The following UTRN variants were observed in gnomAD, a reference collection of about 807,000 sequenced individuals.
UTRN encodes the protein dystrophin-related protein 1.
A neutral mutation model predicts 463.9 loss-of-function variants in UTRN; 283 were observed. The ratio of observed to expected loss-of-function variants is 0.61; its 90% confidence interval spans 0.55 to 0.67. The LOEUF is 0.67. Among genes scored for constraint, UTRN ranks in the 30% least tolerant of loss-of-function variants. UTRN has a pLI of 0.00. For missense variants in UTRN, 3,922 were observed against 4,084.3 expected (o/e 0.96, Z 1.08); for synonymous variants, 1,442 against 1,431.5 (o/e 1.01, Z -0.17).
chr6:144,390,189 G>A (rs1350969047), intron 2 of UTRN, among the ~76,000 whole-genome samples: 1 of 152,016 alleles, frequency 6.6e-6, no homozygotes, highest in Admixed American at 6.5e-5. Flanking sequence ...AGAATAGAAC[G>A]GGAGACACGC....
At chr6:144,303,539 A>C (rs563372278) in intron 2 of UTRN, among the ~76,000 whole-genome samples, 8 of 152,220 alleles carry the variant, frequency 5.3e-5, no homozygotes, top group Non-Finnish European at 1.0e-4. Context: ...GAAGTTGACT[A>C]CTGCTGTTTT....
chr6:144,434,531 G>A (rs756781038), intron 9 of UTRN, among the ~76,000 whole-genome samples: 1 of 152,126 alleles, frequency 6.6e-6, no homozygotes, highest in Non-Finnish European at 1.5e-5. Context: ...TTGGAAGAAA[G>A]TAAAGGTTTT....
At chr6:144,618,235 T>G (rs1806346979) in intron 51 of UTRN, among the ~76,000 whole-genome samples, 1 of 152,210 alleles carries the variant, frequency 6.6e-6, no homozygotes, top group South Asian at 2.1e-4. Flanking sequence ...CTTTGGGATA[T>G]CCACTGGAGG....
At chr6:144,326,367 T>C (rs1775974668) in intron 2 of UTRN, among the ~76,000 whole-genome samples, 4 of 152,144 alleles carry the variant, frequency 2.6e-5, no homozygotes, top group African/African-American at 9.7e-5. Flanking sequence ...TTAGGCATAG[T>C]CATCCTAATA....
chr6:144,482,034 A>G (rs1391915816), intron 26 of UTRN, among the ~76,000 whole-genome samples, 175 bp from the exon 27 acceptor site: 1 of 152,174 alleles, frequency 6.6e-6, no homozygotes, highest in Admixed American at 6.5e-5. Context: ...CAAAAACAAA[A>G]ACAAAACCCC....
intron 51 of UTRN, among the ~76,000 whole-genome samples, chr6:144,651,231 T>C (rs1381050959): frequency 6.6e-6 from 1 of 152,054 alleles, no homozygotes; most frequent in East Asian, 1.9e-4. Flanking sequence ...AAAAAGTCAA[T>C]GCAGGCATTT....
chr6:144,651,966 C>A (rs1310396103), intron 51 of UTRN, among the ~76,000 whole-genome samples: 1 of 152,154 alleles, frequency 6.6e-6, no homozygotes, highest in Non-Finnish European at 1.5e-5. Context: ...CCCTCACCCC[C>A]CTCCCACACT....
At chr6:144,467,454 G>A (rs1477445132) in intron 23 of UTRN, among the ~76,000 whole-genome samples, 3 of 152,210 alleles carry the variant, frequency 2.0e-5, no homozygotes, top group Non-Finnish European at 4.4e-5. Context: ...TAGCAGATGT[G>A]AATGTAATTG....
intron 51 of UTRN, among the ~76,000 whole-genome samples, chr6:144,666,834 A>G (rs891839465): frequency 2.0e-5 from 3 of 152,196 alleles, no homozygotes; most frequent in Admixed American, 6.5e-5. Flanking sequence ...TGGTTGGGCC[A>G]GCTATGCAGT....
intron 41 of UTRN, among the ~76,000 whole-genome samples, chr6:144,529,165 G>A (rs978510601): frequency 2.0e-4 from 30 of 152,104 alleles, no homozygotes; most frequent in Non-Finnish European, 4.1e-4. Flanking sequence ...AACCCCTTCC[G>A]CCACCCCCAC....
intron 2 of UTRN, among the ~76,000 whole-genome samples, chr6:144,328,708 A>G (rs1355874902): frequency 6.6e-6 from 1 of 152,096 alleles, no homozygotes; most frequent in Non-Finnish European, 1.5e-5. Flanking sequence ...TGATCTGTTA[A>G]TAGATCAGGG....
intron 51 of UTRN, chr6:144,583,660 C>G: frequency 6.0e-6 from 3 of 497,340 alleles, no homozygotes. Context: ...GTTTCTCAGG[C>G]TCTAAAAACT....
At chr6:144,378,257 G>T (rs1031809172) in intron 2 of UTRN, among the ~76,000 whole-genome samples, 1 of 152,210 alleles carries the variant, frequency 6.6e-6, no homozygotes, top group African/African-American at 2.4e-5. Context: ...TAGAGGTCTA[G>T]ATTGAATACA....
intron 51 of UTRN, among the ~76,000 whole-genome samples, chr6:144,646,962 G>A (rs1778365793): frequency 6.6e-6 from 1 of 152,120 alleles, no homozygotes. Context: ...TAGAAATATA[G>A]TCAAAATAGC....
At chr6:144,628,021 G>A (rs374599888) in intron 51 of UTRN, among the ~76,000 whole-genome samples, 2 of 151,964 alleles carry the variant, frequency 1.3e-5, no homozygotes, top group Admixed American at 6.6e-5. Flanking sequence ...GGCTGGTCTC[G>A]AACTCCTGAC....
intron 2 of UTRN, among the ~76,000 whole-genome samples, chr6:144,360,893 A>G (rs1456379550): frequency 6.6e-6 from 1 of 152,060 alleles, no homozygotes; most frequent in East Asian, 1.9e-4. Context: ...TCTGAAATAA[A>G]CTACTTATAT....
At chr6:144,580,049 A>G (rs1801816374) in intron 51 of UTRN, among the ~76,000 whole-genome samples, 1 of 152,220 alleles carries the variant, frequency 6.6e-6, no homozygotes, top group Non-Finnish European at 1.5e-5. Flanking sequence ...TTCTGAGGCA[A>G]GAGAATTTTA....
intron 51 of UTRN, among the ~76,000 whole-genome samples, chr6:144,623,196 C>T (rs1384815449): frequency 1.3e-5 from 2 of 152,106 alleles, no homozygotes; most frequent in East Asian, 3.9e-4. Context: ...ATTCTCTGGG[C>T]CTCAATTTCT....
At chr6:144,489,094 G>A (rs1413872163) in intron 30 of UTRN, among the ~76,000 whole-genome samples, 1 of 151,756 alleles carries the variant, frequency 6.6e-6, no homozygotes, top group African/African-American at 2.4e-5. Context: ...ATGTCACCCA[G>A]GCTGGAGTGC....
Sources: gnomAD v4.1 joint callset for allele counts (sites outside exome capture counted in the v4.1 genomes callset) on GRCh38, gnomAD v4.1.1 for gene constraint, MANE v1.5 for transcripts, NCBI Gene and HGNC (gene_info 2026-07-23, HGNC 2026-07-21) for gene names.